Variants in KHDRBS2 observed in about 807,000 individuals in gnomAD.
KHDRBS2 encodes the protein KH domain-containing, RNA-binding, signal transduction-associated protein 2.
Under a neutral mutation model 44.3 loss-of-function variants are expected in KHDRBS2, and 26 were observed. The observed-to-expected ratio is 0.59, with a 90% CI of 0.43 to 0.81. The LOEUF (loss-of-function observed/expected upper bound fraction) is 0.81, where lower values mean the gene tolerates loss of function less well. Ranked by LOEUF, KHDRBS2 falls within the 40% of genes least tolerant of loss-of-function variation. The pLI is 0.00. For synonymous variants in KHDRBS2, 194 were observed against 151.1 expected (o/e 1.28, Z -2.08); for missense variants, 476 against 433.1 (o/e 1.10, Z -0.88).
the KHDRBS2 span, among the ~76,000 whole-genome samples, chr6:61,551,444 C>T: frequency 1.3e-5 from 2 of 152,012 alleles, no homozygotes; most frequent in South Asian, 2.1e-4. Flanking sequence ...TTTTTCCATT[C>T]CTATTTCCAG....
intron 2 of KHDRBS2, among the ~76,000 whole-genome samples, chr6:62,110,025 A>T (rs1350864952): frequency 2.0e-5 from 3 of 151,972 alleles, no homozygotes; most frequent in Non-Finnish European, 4.4e-5. Context: ...ACTCTAATAC[A>T]GTGATAAATT....
chr6:62,194,688 G>C (rs1342924820), intron 1 of KHDRBS2, among the ~76,000 whole-genome samples: 1 of 151,008 alleles, frequency 6.6e-6, no homozygotes, highest in Non-Finnish European at 1.5e-5. Flanking sequence ...TGTATTTTTA[G>C]TAGAGACAGG....
intron 6 of KHDRBS2, among the ~76,000 whole-genome samples, chr6:61,738,664 T>C (rs1422830118): frequency 7.0e-6 from 1 of 143,856 alleles, no homozygotes. Flanking sequence ...GACAAATACG[T>C]GTGTGTTACC....
At position 62,001,010 on chromosome 6, in the gene KHDRBS2, G is replaced by A. The variant is rs191294886; in HGVS notation, c.337-22798C>T. On this transcript the variant is annotated intron_variant, in intron 3 of 8. Transcript: ENST00000281156. ...TGTTAAAGTAACACAAAGTGACTTT[G>A]ACAAGAGTCACCATTTGTGCTTGAG... 3.9e-5 allele frequency among the ~76,000 whole-genome samples: 6 copies of A among 152,290 alleles called. No individual in the cohort carries two copies. In the East Asian group the frequency reaches 1.2e-3, roughly 29 times the overall value.
At chr6:61,955,698 G>A (rs1767019817) in intron 4 of KHDRBS2, among the ~76,000 whole-genome samples, 1 of 105,740 alleles carries the variant, frequency 9.5e-6, no homozygotes, top group Non-Finnish European at 2.0e-5. Flanking sequence ...ACATATATGT[G>A]TATATATACA....
At chr6:61,766,224 A>T (rs1779990844) in intron 6 of KHDRBS2, among the ~76,000 whole-genome samples, 1 of 151,918 alleles carries the variant, frequency 6.6e-6, no homozygotes, top group African/African-American at 2.4e-5. Flanking sequence ...TATGTCCAGT[A>T]ATTTATACGT....
chr6:61,748,556 C>T (rs527366975), intron 6 of KHDRBS2, among the ~76,000 whole-genome samples: 20 of 152,210 alleles, frequency 1.3e-4, no homozygotes, highest in African/African-American at 4.3e-4. Context: ...TGTTGGTATA[C>T]AACATTCTGC....
intron 2 of KHDRBS2, among the ~76,000 whole-genome samples, chr6:62,122,908 T>A (rs1249083777): frequency 3.2e-5 from 4 of 125,800 alleles, no homozygotes; most frequent in South Asian, 2.5e-4. Context: ...TGACGTTTTT[T>A]AATAAATTAT....
intron 6 of KHDRBS2, among the ~76,000 whole-genome samples, chr6:61,748,806 T>A (rs1168078970): frequency 6.6e-6 from 1 of 152,086 alleles, no homozygotes; most frequent in Non-Finnish European, 1.5e-5. Context: ...ACTTCATATA[T>A]GCTAGTATAG....
At chr6:61,652,647 T>C in the KHDRBS2 span, among the ~76,000 whole-genome samples, 16 of 152,118 alleles carry the variant, frequency 1.1e-4, no homozygotes, top group African/African-American at 3.9e-4. Flanking sequence ...TATTACTTGA[T>C]TCAAAGAAAA....
chr6:61,582,341 A>T, the KHDRBS2 span, among the ~76,000 whole-genome samples: 2 of 151,766 alleles, frequency 1.3e-5, no homozygotes, highest in Non-Finnish European at 3.0e-5. Flanking sequence ...GAAGAAATTT[A>T]AAACAATAAT....
chr6:61,651,137 G>T, the KHDRBS2 span, among the ~76,000 whole-genome samples: 4 of 152,020 alleles, frequency 2.6e-5, no homozygotes, highest in Non-Finnish European at 5.9e-5. Flanking sequence ...TTTCCTATGT[G>T]CTAGACATTA....
the KHDRBS2 span, among the ~76,000 whole-genome samples, chr6:61,552,459 CAG>C: frequency 2.7e-4 from 41 of 152,080 alleles, no homozygotes; most frequent in Non-Finnish European, 4.7e-4. Context: ...TGTCTGAAAA[CAG>C]GGATAGTTTG....
chr6:61,777,681 A>G (rs999171409), intron 6 of KHDRBS2, among the ~76,000 whole-genome samples: 5 of 152,170 alleles, frequency 3.3e-5, no homozygotes, highest in African/African-American at 1.2e-4. Flanking sequence ...CTCTGGTGAT[A>G]GAAATCTTAA....
intron 6 of KHDRBS2, among the ~76,000 whole-genome samples, chr6:61,885,361 T>C (rs1162463399): frequency 1.3e-5 from 2 of 152,184 alleles, no homozygotes; most frequent in African/African-American, 4.8e-5. Flanking sequence ...TTCCGTCAAG[T>C]CTCTTTCATA....
chr6:61,727,893 T>C (rs916031284), intron 7 of KHDRBS2, among the ~76,000 whole-genome samples: 2 of 152,072 alleles, frequency 1.3e-5, no homozygotes, highest in African/African-American at 4.8e-5. Context: ...GAAGCAGAAA[T>C]ACCCTTTGAC....
At chr6:61,774,479 A>T (rs939654358) in intron 6 of KHDRBS2, among the ~76,000 whole-genome samples, 6 of 152,164 alleles carry the variant, frequency 3.9e-5, no homozygotes, top group Admixed American at 1.3e-4. Flanking sequence ...TACAAAAATC[A>T]CAAGCATTCT....
chr6:61,718,796 A>G (rs1771859885), intron 7 of KHDRBS2, among the ~76,000 whole-genome samples: 1 of 152,094 alleles, frequency 6.6e-6, no homozygotes, highest in South Asian at 2.1e-4. Context: ...TATGGATACT[A>G]TCTTCAGGGG....
At chr6:61,649,982 A>G in the KHDRBS2 span, among the ~76,000 whole-genome samples, 1 of 152,144 alleles carries the variant, frequency 6.6e-6, no homozygotes, top group Non-Finnish European at 1.5e-5. Flanking sequence ...GCAAATTAGA[A>G]AAACCCTGCA....
Sources: allele counts gnomAD v4.1 joint callset (sites outside exome capture counted in the v4.1 genomes callset), GRCh38; gene constraint gnomAD v4.1.1; transcripts MANE v1.5; gene names NCBI Gene and HGNC (gene_info 2026-07-23, HGNC 2026-07-21).